CEP350: variants seen among roughly 807,000 people sequenced by gnomAD.
CEP350 encodes centrosomal protein 350.
Under a neutral mutation model 331.8 loss-of-function variants are expected in CEP350, and 126 were observed. The observed-to-expected ratio is 0.38, with a 90% CI of 0.33 to 0.44. CEP350 has a LOEUF of 0.44. Among genes scored for constraint, CEP350 ranks in the 20% least tolerant of loss-of-function variants. CEP350 has a pLI of 1.00. For missense variants in CEP350, 3,406 were observed against 3,634.6 expected (o/e 0.94, Z 1.62); for synonymous variants, 1,200 against 1,259.5 (o/e 0.95, Z 1.00).
At chr1:180,075,860 G>A (rs1659192424) in intron 28 of CEP350, among the ~76,000 whole-genome samples, 5 of 151,938 alleles carry the variant, frequency 3.3e-5, no homozygotes, top group Admixed American at 3.3e-4. Flanking sequence ...GGGAGACTGA[G>A]GCAGGAGAAT....
chr1:180,089,447 G>T (rs1357234635), intron 32 of CEP350, among the ~76,000 whole-genome samples: 1 of 152,086 alleles, frequency 6.6e-6, no homozygotes, highest in African/African-American at 2.4e-5. Context: ...GCTGGGCATG[G>T]TGGTGTGCGA....
chr1:180,033,713 T>C (rs1008902514), intron 15 of CEP350, 149 bp from the exon 16 acceptor site: 3 of 756,278 alleles, frequency 4.0e-6, no homozygotes, highest in Non-Finnish European at 6.4e-6. Flanking sequence ...TCATTCAGCA[T>C]AGTGATTATA....
intron 25 of CEP350, among the ~76,000 whole-genome samples, chr1:180,056,790 C>T (rs1376755771): frequency 6.6e-6 from 1 of 151,952 alleles, no homozygotes; most frequent in Non-Finnish European, 1.5e-5. Flanking sequence ...TTCTCCTTTC[C>T]TTCAGGGACT....
chr1:180,043,441 T>G (rs1398923143), intron 20 of CEP350, among the ~76,000 whole-genome samples: 1 of 152,142 alleles, frequency 6.6e-6, no homozygotes, highest in Admixed American at 6.6e-5. Context: ...CACAGGAATT[T>G]GAATAGCCTG....
intron 26 of CEP350, among the ~76,000 whole-genome samples, chr1:180,063,499 T>G (rs1028719815): frequency 6.6e-6 from 1 of 151,902 alleles, no homozygotes; most frequent in African/African-American, 2.4e-5. Context: ...AGTGGACCTA[T>G]TCTAAGGTAC....
intron 22 of CEP350, among the ~76,000 whole-genome samples, chr1:180,051,006 A>G (rs1657464321): frequency 6.6e-6 from 1 of 152,216 alleles, no homozygotes; most frequent in Non-Finnish European, 1.5e-5. Context: ...ACTTAACCAT[A>G]CAATCCAGCA....
intron 17 of CEP350, among the ~76,000 whole-genome samples, chr1:180,040,081 A>G (rs1317595017): frequency 6.6e-6 from 1 of 151,432 alleles, no homozygotes; most frequent in Non-Finnish European, 1.5e-5. Flanking sequence ...GACCCGTCAG[A>G]CAGTTCTTGG....
At position 180,114,484 on chromosome 1, in the gene CEP350, GA is replaced by G. The variant is rs1231303002; in HGVS notation, c.*3329del. On this transcript the variant is annotated 3_prime_UTR_variant, in exon 38 of 38. Transcript: ENST00000367607. ...TATCTTTGTATTATAAAAATGTGAA[GA>G]AAAAATGTAAACTGATGTAAAGGAG... The G allele has an allele frequency of 6.6e-6, 1 of 152,562 alleles. No homozygotes were observed. Among genetic ancestry groups the G allele is most frequent in the African/African-American group, 2.4e-5 (1 of 41,444 alleles). The allele number at this position is 152,562 out of a possible 1,614,324, so 9.5% of individuals were successfully genotyped here. A position where few individuals can be genotyped will look rare whatever the true frequency, so the allele number is the denominator to read the frequency against.
At chr1:180,043,385 T>G (rs1656897425) in intron 20 of CEP350, among the ~76,000 whole-genome samples, 193 bp downstream of exon 20, 1 of 152,168 alleles carries the variant, frequency 6.6e-6, no homozygotes, top group Admixed American at 6.5e-5. Context: ...ATACACTGAT[T>G]TAAGTGTTAT....
intron 6 of CEP350, among the ~76,000 whole-genome samples, chr1:180,002,210 A>G (rs934658640): frequency 2.0e-5 from 3 of 152,238 alleles, no homozygotes; most frequent in Non-Finnish European, 2.9e-5. Flanking sequence ...GCGGTGGCTC[A>G]TGCCTGTAAT....
In CEP350 at chr1:179,955,041, A is replaced by T. The variant is rs774268649; in HGVS notation, c.-115A>T. The T allele has an allele frequency of 2.6e-5, 35 of 1,346,808 alleles. No individual in the cohort carries two copies. Among genetic ancestry groups the T allele is most frequent in the Non-Finnish European group, 3.2e-5 (34 of 1,048,532 alleles). The allele number at this position is 1,346,808 out of a possible 1,614,324, so 83.4% of individuals were successfully genotyped here. A position where few individuals can be genotyped will look rare whatever the true frequency, so the allele number is the denominator to read the frequency against. ...GGTGCGTCCCCGGAGCGGGGAGGCC[A>T]GGCCGGGCAGCCCTGGGGCCGGTCG... is the stretch of plus-strand genomic sequence containing the variant. On this transcript the variant is annotated 5_prime_UTR_variant, in exon 1 of 38. Coordinates refer to ENST00000367607, the MANE Select transcript of CEP350 (RefSeq NM_014810.5).
intron 17 of CEP350, among the ~76,000 whole-genome samples, chr1:180,039,069 T>G (rs772927043): frequency 7.2e-6 from 1 of 138,560 alleles, no homozygotes. Context: ...ATACAAAAAT[T>G]AGCCATCCAC....
chr1:180,022,554 T>C (rs949553045), intron 12 of CEP350, 144 bp from the exon 13 acceptor site: 1 of 630,808 alleles, frequency 1.6e-6, no homozygotes. Flanking sequence ...TATCATTGGA[T>C]ATAAAGGTAA....
intron 8 of CEP350, among the ~76,000 whole-genome samples, chr1:180,008,616 C>T (rs1654413532): frequency 6.6e-6 from 1 of 152,150 alleles, no homozygotes. Context: ...ATTCATTATA[C>T]AAATATTAAT....
chr1:180,040,647 A>AAAAT (rs1553258297), intron 17 of CEP350, among the ~76,000 whole-genome samples: 1 of 150,246 alleles, frequency 6.7e-6, no homozygotes. Context: ...TGAAAAAAAA[A>AAAAT]ATATATATAT....
chr1:180,041,357 A>C (rs1249176821), intron 18 of CEP350, 109 bp downstream of exon 18: 1 of 788,966 alleles, frequency 1.3e-6, no homozygotes, highest in Non-Finnish European at 2.0e-6. Flanking sequence ...TATATAAATA[A>C]TAAAGTTTTA....
intron 27 of CEP350, among the ~76,000 whole-genome samples, chr1:180,066,639 A>G (rs1174414364): frequency 6.6e-6 from 1 of 152,244 alleles, no homozygotes; most frequent in Non-Finnish European, 1.5e-5. Flanking sequence ...AATTAAAAAT[A>G]TAAGAGGTGA....
intron 29 of CEP350, among the ~76,000 whole-genome samples, chr1:180,079,511 A>G (rs1181919977): frequency 1.3e-5 from 2 of 152,006 alleles, no homozygotes; most frequent in East Asian, 3.9e-4. Flanking sequence ...ATTAAATATT[A>G]TGTTAAAAAA....
intron 37 of CEP350, among the ~76,000 whole-genome samples, chr1:180,106,253 A>G (rs6425607): frequency 0.86 from 130,735 of 152,170 alleles, 56,281 homozygotes; most frequent in South Asian, 0.94. Flanking sequence ...TAGCCTGGGA[A>G]CTGATGAGAA....
Sources: gnomAD v4.1 joint callset for allele counts (sites outside exome capture counted in the v4.1 genomes callset) on GRCh38, gnomAD v4.1.1 for gene constraint, MANE v1.5 for transcripts, NCBI Gene and HGNC (gene_info 2026-07-23, HGNC 2026-07-21) for gene names.